ERI1: variants seen among roughly 807,000 people sequenced by gnomAD.
ERI1 encodes the protein 3'-5' exoribonuclease 1.
A neutral mutation model predicts 39.7 loss-of-function variants in ERI1; 39 were observed. The ratio of observed to expected loss-of-function variants is 0.98; its 90% confidence interval spans 0.76 to 1.28. ERI1 has a LOEUF of 1.28. ERI1 is among the 50% of genes most tolerant of loss of function. The pLI is 0.00. For synonymous variants in ERI1, 204 were observed against 149.6 expected (o/e 1.36, Z -2.65); for missense variants, 581 against 416.9 (o/e 1.39, Z -3.43).
chr8:9,078,388 G>A (rs112225371), intron 3 of ERI1, among the ~76,000 whole-genome samples: 7 of 152,072 alleles, frequency 4.6e-5, no homozygotes, highest in Admixed American at 3.9e-4. Flanking sequence ...CTCCCTGGGA[G>A]AGTAGTATTC....
At chr8:9,053,711 G>T (rs1798426467) in intron 3 of ERI1, among the ~76,000 whole-genome samples, 1 of 152,294 alleles carries the variant, frequency 6.6e-6, no homozygotes, top group Non-Finnish European at 1.5e-5. Context: ...TGAGGCCTTG[G>T]TTTGTGTGAT....
At chr8:9,099,971 A>G (rs1180650023) in intron 3 of ERI1, 1 of 152,252 alleles carries the variant, frequency 6.6e-6, no homozygotes, top group Admixed American at 6.5e-5. Flanking sequence ...ATGAAGACCA[A>G]GATGGTAAAG....
At chr8:9,028,973 G>GTTTTTTTTTTTTTT (rs34569795) in intron 6 of ERI1, among the ~76,000 whole-genome samples, 1 of 113,094 alleles carries the variant, frequency 8.8e-6, no homozygotes, top group African/African-American at 3.3e-5. Context: ...GAGTGTGAGA[G>GTTTTTTTTTTTTTT]TTTTTTTTTT....
chr8:9,037,987 T>A (rs951246743), downstream of ERI1, among the ~76,000 whole-genome samples: 4 of 152,044 alleles, frequency 2.6e-5, no homozygotes, highest in Admixed American at 2.6e-4. Context: ...TTTTCAAACT[T>A]TTTTGCACAA....
chr8:9,050,226 G>A (rs1279902728), intron 3 of ERI1, among the ~76,000 whole-genome samples: 8 of 152,132 alleles, frequency 5.3e-5, no homozygotes, highest in Middle Eastern at 3.4e-3. Flanking sequence ...TCTAGGTCAA[G>A]GCTGGGCGCA....
intron 3 of ERI1, among the ~76,000 whole-genome samples, chr8:9,078,910 G>A (rs971395828): frequency 3.3e-5 from 5 of 152,142 alleles, no homozygotes; most frequent in African/African-American, 1.2e-4. Flanking sequence ...TCAATTCTCA[G>A]AGGAGAGAAT....
chr8:9,035,277 A>T (rs555031628), downstream of ERI1, among the ~76,000 whole-genome samples: 6 of 152,376 alleles, frequency 3.9e-5, no homozygotes, highest in South Asian at 1.2e-3. Flanking sequence ...TAGATGAAAT[A>T]GCCTATTCGA....
At chr8:9,067,456 C>A (rs1234619180) in intron 3 of ERI1, among the ~76,000 whole-genome samples, 2 of 149,160 alleles carry the variant, frequency 1.3e-5, no homozygotes, top group Non-Finnish European at 3.0e-5. Flanking sequence ...AGAAAGGTGA[C>A]CTAGCCTGGG....
intron 3 of ERI1, among the ~76,000 whole-genome samples, chr8:9,059,219 G>T (rs568516122): frequency 2.0e-5 from 3 of 152,124 alleles, no homozygotes; most frequent in Non-Finnish European, 2.9e-5. Context: ...TTTTGTGGTG[G>T]AATGTCATCA....
At chr8:9,047,680 CAGAG>C (rs1297370413) in intron 3 of ERI1, among the ~76,000 whole-genome samples, 2 of 151,940 alleles carry the variant, frequency 1.3e-5, no homozygotes, top group African/African-American at 4.8e-5. Context: ...GCCTGGGCAA[CAGAG>C]AGAGACCCTG....
downstream of ERI1, among the ~76,000 whole-genome samples, chr8:9,036,351 C>G (rs777093285): frequency 6.6e-5 from 10 of 152,226 alleles, no homozygotes; most frequent in Non-Finnish European, 1.5e-4. Flanking sequence ...CCACTCCAAT[C>G]TTCATCACCT....
downstream of ERI1, among the ~76,000 whole-genome samples, chr8:9,036,635 A>G (rs1797853646): frequency 1.3e-5 from 2 of 152,220 alleles, no homozygotes; most frequent in South Asian, 2.1e-4. Flanking sequence ...AACCTGCAGT[A>G]TCTCTGAGGT....
intron 3 of ERI1, chr8:9,096,902 A>G (rs1799893786): frequency 1.3e-5 from 2 of 151,592 alleles, no homozygotes; most frequent in Admixed American, 1.3e-4. Flanking sequence ...TTTCTGTCTG[A>G]CTTTCTCCTG....
At chr8:9,078,384 G>A (rs574611323) in intron 3 of ERI1, among the ~76,000 whole-genome samples, 4 of 151,942 alleles carry the variant, frequency 2.6e-5, no homozygotes, top group East Asian at 1.9e-4. Flanking sequence ...TTACCTCCCT[G>A]GGAGAGTAGT....
intron 3 of ERI1, among the ~76,000 whole-genome samples, chr8:9,075,656 G>T (rs964045289): frequency 1.3e-5 from 2 of 152,036 alleles, no homozygotes; most frequent in East Asian, 3.8e-4. Flanking sequence ...AATCCCCACG[G>T]TGTGCACACA....
At position 9,011,291 on chromosome 8, in the gene ERI1, A is replaced by G. The variant is rs552405883; in HGVS notation, c.288-251A>G. ...TTGAAGTACCAGTATATGTTGGAGAAAATACTGTTATATACTACTAAAATA... is the reference window on the plus strand; with the variant it reads ...TTGAAGTACCAGTATATGTTGGAGAGAATACTGTTATATACTACTAAAATA... On this transcript the variant is annotated intron_variant, in intron 2 of 6. Coordinates refer to ENST00000250263, the MANE Select transcript of ERI1 (RefSeq NM_153332.4). 2.0e-5 allele frequency among the ~76,000 whole-genome samples: 3 copies of G among 152,328 alleles called. No individual in the cohort carries two copies. The East Asian group carries it at 5.8e-4, about 29-fold the overall frequency.
chr8:9,039,047 C>G (rs905812505), intron 3 of ERI1, among the ~76,000 whole-genome samples: 1 of 152,066 alleles, frequency 6.6e-6, no homozygotes, highest in Non-Finnish European at 1.5e-5. Flanking sequence ...TGAAAGGTGC[C>G]TAACTTTTAG....
intron 4 of ERI1, among the ~76,000 whole-genome samples, chr8:9,017,514 A>C (rs529990095): frequency 1.3e-5 from 2 of 152,324 alleles, no homozygotes; most frequent in East Asian, 3.9e-4. Context: ...CAGTGGTCAC[A>C]GTAGGCCTAA....
In ERI1 at chr8:9,005,652, C is replaced by G. The variant is rs577760491; in HGVS notation, c.109-2318C>G. Reference sequence around the variant, plus strand: ...GCCTCAGCCTCCTGAGTAGCTGGGACTACAGGCGCCCGCCCGGCTAATTTT... The same window carrying G: ...GCCTCAGCCTCCTGAGTAGCTGGGAGTACAGGCGCCCGCCCGGCTAATTTT... On this transcript the variant is annotated intron_variant, in intron 1 of 6. Coordinates refer to ENST00000250263, the MANE Select transcript of ERI1 (RefSeq NM_153332.4). Among the ~76,000 whole-genome samples, 48 of 150,212 alleles carry G rather than the reference C, an allele frequency of 3.2e-4. 1 individual carries two copies. In the South Asian group the frequency reaches 7.1e-3, roughly 22 times the overall value.
Sources: gnomAD v4.1 joint callset for allele counts (sites outside exome capture counted in the v4.1 genomes callset) on GRCh38, gnomAD v4.1.1 for gene constraint, MANE v1.5 for transcripts, NCBI Gene and HGNC (gene_info 2026-07-23, HGNC 2026-07-21) for gene names.